The following ARSG variants were observed in gnomAD, a reference collection of about 807,000 sequenced individuals.
The protein encoded by ARSG is arylsulfatase G.
ARSG carries 37 observed loss-of-function variants against 50.5 expected under a neutral mutation model. The observed-to-expected ratio is 0.73, with a 90% CI of 0.56 to 0.96. ARSG has a LOEUF of 0.96. Ranked by LOEUF, ARSG falls within the 50% of genes least tolerant of loss-of-function variation. The probability of loss-of-function intolerance (pLI) is 0.00; values close to 1 mark genes in which losing one functional copy is unlikely to be tolerated. For synonymous variants in ARSG, 225 were observed against 254.6 expected (o/e 0.88, Z 1.11); for missense variants, 629 against 675.3 (o/e 0.93, Z 0.76).
Position 68,277,366 on chromosome 17 carries a change from G to A in ARSG, c.-552+17940G>A, listed in dbSNP as rs1204258766. ...AGGCTGGTCTCGAATTCCTGACCTCGTGATCCACCTGCCTCGGCTTTCCAA... is the reference window on the plus strand; with the variant it reads ...AGGCTGGTCTCGAATTCCTGACCTCATGATCCACCTGCCTCGGCTTTCCAA... On this transcript the variant is annotated intron_variant, in intron 1 of 11. Coordinates refer to the ARSG transcript ENST00000448504. 5.3e-5 allele frequency among the ~76,000 whole-genome samples: 8 copies of A among 151,922 alleles called. No individual in the cohort carries two copies. In the East Asian group the frequency reaches 1.4e-3, roughly 26 times the overall value.
At chr17:68,286,072 T>G (rs545953877) in intron 1 of ARSG, among the ~76,000 whole-genome samples, 23 of 152,310 alleles carry the variant, frequency 1.5e-4, no homozygotes, top group African/African-American at 5.3e-4. Context: ...TTTTTATTTT[T>G]TGTAGAGACA....
the ARSG span, among the ~76,000 whole-genome samples, chr17:68,445,814 G>C: frequency 7.2e-5 from 11 of 152,194 alleles, no homozygotes; most frequent in Non-Finnish European, 1.6e-4. Context: ...AGCAGCTGCC[G>C]ACCACCCCTG....
intron 1 of ARSG, chr17:68,267,156 G>C (rs2075183914): frequency 6.6e-6 from 1 of 152,148 alleles, no homozygotes; most frequent in Non-Finnish European, 1.5e-5. Flanking sequence ...TTGACATACT[G>C]AAATTGGCAT....
chr17:68,451,042 G>A, the ARSG span: 2 of 1,180,126 alleles, frequency 1.7e-6, no homozygotes, highest in Admixed American at 3.1e-5. Context: ...AGCTTGCATT[G>A]ACAGTGATCC....
At chr17:68,312,851 C>T (rs748212655) in intron 2 of ARSG, among the ~76,000 whole-genome samples, 2 of 152,090 alleles carry the variant, frequency 1.3e-5, no homozygotes, top group Admixed American at 6.6e-5. Flanking sequence ...TCTGGGGTGA[C>T]TAGCTGGGAC....
At chr17:68,262,337 G>T (rs1341131103) in intron 1 of ARSG, among the ~76,000 whole-genome samples, 2 of 151,992 alleles carry the variant, frequency 1.3e-5, no homozygotes, top group Non-Finnish European at 1.5e-5. Flanking sequence ...CAGGTGTGGT[G>T]GCGGGCGCCT....
rs531924035 is a variant in ARSG at position 68,316,046 on chromosome 17, G to A, written c.218+8335G>A. 3.9e-5 allele frequency among the ~76,000 whole-genome samples: 6 copies of A among 152,250 alleles called. No homozygotes were observed. The South Asian group carries it at 6.2e-4, about 16-fold the overall frequency. ...TTTCAGGTGCCTGCAATCTTATCCT[G>A]CCTACTCCAGCTTCATCTCCAACCC... On this transcript the variant is annotated intron_variant, in intron 2 of 11. Transcript: ENST00000621439.
At chr17:68,265,156 GAAAAAA>G (rs369928777) in intron 1 of ARSG, among the ~76,000 whole-genome samples, 2 of 73,670 alleles carry the variant, frequency 2.7e-5, no homozygotes, top group Non-Finnish European at 5.7e-5. Flanking sequence ...CTCCATCTCA[GAAAAAA>G]AAAAAAAAAA....
chr17:68,261,765 C>A (rs2075073922), intron 1 of ARSG, among the ~76,000 whole-genome samples: 1 of 152,110 alleles, frequency 6.6e-6, no homozygotes, highest in Non-Finnish European at 1.5e-5. Flanking sequence ...ATTGAAGGGT[C>A]ACACTGCATA....
intron 1 of ARSG, among the ~76,000 whole-genome samples, chr17:68,303,291 AT>A (rs2076488330): frequency 6.6e-6 from 1 of 151,730 alleles, no homozygotes; most frequent in Non-Finnish European, 1.5e-5. Context: ...TGCGTGGCTA[AT>A]TTTTTAATTT....
chr17:68,354,810 G>C (rs1206565091), intron 5 of ARSG, among the ~76,000 whole-genome samples: 1 of 152,138 alleles, frequency 6.6e-6, no homozygotes, highest in Non-Finnish European at 1.5e-5. Context: ...GCTGCAATGA[G>C]CTGAGATTGT....
rs374659375 is a variant in ARSG, at chr17:68,373,006, C to T, written c.982+2482C>T. Reference sequence around the variant, plus strand: ...TCCTGGGCTCAAGCGATTCTCCTACCTCAGTCTCCCAAGTAGCTGGGATTA... The same window carrying T: ...TCCTGGGCTCAAGCGATTCTCCTACTTCAGTCTCCCAAGTAGCTGGGATTA... On this transcript the variant is annotated intron_variant, in intron 8 of 11. Transcript: ENST00000621439. Among the ~76,000 whole-genome samples the T allele has an allele frequency of 7.4e-5, 11 of 149,054 alleles. No individual in the cohort carries two copies. In the South Asian group the frequency reaches 1.9e-3, roughly 26 times the overall value.
At chr17:68,266,291 G>A in intron 1 of ARSG, among the ~76,000 whole-genome samples, 1 of 150,254 alleles carries the variant, frequency 6.7e-6, no homozygotes, top group East Asian at 1.9e-4. Context: ...GAATTATTTA[G>A]TCTTTTTCTA....
intron 7 of ARSG, among the ~76,000 whole-genome samples, chr17:68,368,967 C>A (rs746708563): frequency 4.6e-5 from 7 of 152,252 alleles, no homozygotes; most frequent in Non-Finnish European, 1.0e-4. Flanking sequence ...AGAGCAGCCA[C>A]CTTGCTGGCC....
chr17:68,328,107 A>T (rs782620266), intron 2 of ARSG, among the ~76,000 whole-genome samples: 3 of 152,118 alleles, frequency 2.0e-5, no homozygotes, highest in Non-Finnish European at 4.4e-5. Context: ...GTGGCAGTGT[A>T]CATGATACCA....
At chr17:68,292,470 G>A (rs781910794) in intron 1 of ARSG, among the ~76,000 whole-genome samples, 1 of 152,194 alleles carries the variant, frequency 6.6e-6, no homozygotes, top group Non-Finnish European at 1.5e-5. Flanking sequence ...CGCAAACTTA[G>A]CTTCTTGGTC....
chr17:68,353,836 G>A (rs2078909028), intron 5 of ARSG, among the ~76,000 whole-genome samples: 1 of 152,014 alleles, frequency 6.6e-6, no homozygotes. Flanking sequence ...TGAGTAGCTG[G>A]GATTACAGGC....
chr17:68,450,857 G>A, the ARSG span: 1 of 1,614,070 alleles, frequency 6.2e-7, no homozygotes, highest in East Asian at 2.2e-5. Context: ...CCAGGCTGCT[G>A]GAGAAGAGGC....
chr17:68,444,915 C>CTTT, the ARSG span, among the ~76,000 whole-genome samples: 17 of 89,092 alleles, frequency 1.9e-4, no homozygotes, highest in African/African-American at 4.8e-4. Context: ...ATCCTGAACA[C>CTTT]TTTTTTTTTT....
Sources: allele counts gnomAD v4.1 joint callset (sites outside exome capture counted in the v4.1 genomes callset), GRCh38; gene constraint gnomAD v4.1.1; transcripts MANE v1.5; gene names NCBI Gene and HGNC (gene_info 2026-07-23, HGNC 2026-07-21).